The following KCNQ1 variants were observed in gnomAD, a reference collection of about 807,000 sequenced individuals.
The protein encoded by KCNQ1 is potassium voltage-gated channel subfamily KQT member 1.
In KCNQ1, 49 loss-of-function variants were observed where a neutral mutation model predicts 72.4. That is an observed-to-expected ratio of 0.68 (90% CI 0.54 to 0.86). The LOEUF (loss-of-function observed/expected upper bound fraction) is 0.86, where lower values mean the gene tolerates loss of function less well. Among genes scored for constraint, KCNQ1 ranks in the 40% least tolerant of loss-of-function variants. KCNQ1 has a pLI of 0.00. For synonymous variants in KCNQ1, 450 were observed against 412.6 expected (o/e 1.09, Z -1.10); for missense variants, 790 against 945.1 (o/e 0.84, Z 2.15).
In KCNQ1 at chr11:2,473,929, A is replaced by G. The variant is rs1846530284; in HGVS notation, c.386+28445A>G. 6.6e-6 allele frequency among the ~76,000 whole-genome samples: 1 copy of G among 152,194 alleles called. No homozygotes were observed. Among genetic ancestry groups the G allele is most frequent in the Non-Finnish European group, 1.5e-5 (1 of 68,020 alleles). ...CCGGAACGGACATCCTCCTTCACCA[A>G]ATCCGCAAAATAGGCCTGATGCCAG... On this transcript the variant is annotated intron_variant, in intron 1 of 15. Coordinates refer to ENST00000155840, the MANE Select transcript of KCNQ1 (RefSeq NM_000218.3). This position sits in a 1 kb window ranked among gnomAD's most constrained non-coding sequence, Gnocchi z 6.0.
At chr11:2,540,284 G>C (rs1847803440) in intron 2 of KCNQ1, among the ~76,000 whole-genome samples, 1 of 152,234 alleles carries the variant, frequency 6.6e-6, no homozygotes, top group African/African-American at 2.4e-5. Flanking sequence ...GGCTTCCCAG[G>C]TCACACAGAG....
chr11:2,730,209 G>A (rs1414857599), intron 11 of KCNQ1, among the ~76,000 whole-genome samples: 1 of 152,218 alleles, frequency 6.6e-6, no homozygotes, highest in East Asian at 1.9e-4. Context: ...GGCGGAGGAT[G>A]GCAGCTGGAC....
chr11:2,679,213 G>A lies in KCNQ1; in HGVS notation c.1514+17132G>A. On this transcript the variant is annotated intron_variant, in intron 11 of 15. Coordinates refer to ENST00000155840, the MANE Select transcript of KCNQ1 (RefSeq NM_000218.3). The surrounding 1 kb of genome is among the most constrained non-coding windows in gnomAD (Gnocchi z 4.8). ...CCTGTAACAATGCAGCCCCATCCAT[G>A]TGAAGCTGGTCCAGAGGACTACAGC... 1 of 398,642 alleles carries A rather than the reference G, an allele frequency of 2.5e-6. No individual in the cohort carries two copies. Among genetic ancestry groups the A allele is most frequent in the East Asian group, 3.6e-5 (1 of 28,070 alleles). 24.7% of individuals were successfully genotyped at this position (398,642 alleles called of 1,614,324 possible).
chr11:2,641,423 C>T (rs1849575364), intron 10 of KCNQ1: 1 of 397,878 alleles, frequency 2.5e-6, no homozygotes, highest in Non-Finnish European at 4.4e-6. Flanking sequence ...CTGTTGGCTA[C>T]TTGTATGTTT....
rs556863162 is a variant in KCNQ1, at chr11:2,781,588, C to A, written c.1794+3551C>A. Among the ~76,000 whole-genome samples the A allele has an allele frequency of 6.6e-6, 1 of 152,214 alleles. No individual in the cohort carries two copies. The highest frequency in any genetic ancestry group is 1.5e-5 in the Non-Finnish European group (1 of 68,016). Reference sequence around the variant, plus strand: ...TGGCAGTCTGTGTGGGGGCTGCATACCCCAGACATTCTGAGGAATCGATGG... The same window carrying A: ...TGGCAGTCTGTGTGGGGGCTGCATAACCCAGACATTCTGAGGAATCGATGG... On this transcript the variant is annotated intron_variant, in intron 15 of 15. Transcript: ENST00000155840. This position sits in a 1 kb window ranked among gnomAD's most constrained non-coding sequence, Gnocchi z 6.6.
intron 15 of KCNQ1, among the ~76,000 whole-genome samples, chr11:2,834,533 C>T (rs963565548): frequency 2.0e-5 from 3 of 152,116 alleles, no homozygotes; most frequent in Admixed American, 1.3e-4. Context: ...GCCCCAGCTC[C>T]CCCAACACAG....
chr11:2,733,862 C>CTACTTCAGGG (rs1318130357), intron 11 of KCNQ1, among the ~76,000 whole-genome samples: 1 of 48,294 alleles, frequency 2.1e-5, no homozygotes, highest in Non-Finnish European at 4.0e-5. Flanking sequence ...TCTCTCCCCC[C>CTACTTCAGGG]CCACTTCAGG....
At chr11:2,838,945 G>C (rs954734438) in intron 15 of KCNQ1, among the ~76,000 whole-genome samples, 1 of 152,152 alleles carries the variant, frequency 6.6e-6, no homozygotes, top group Non-Finnish European at 1.5e-5. Flanking sequence ...CAGCCTGCCC[G>C]ACGTTCCTGC....
chr11:2,553,170 T>TTTG (rs1367298348), intron 2 of KCNQ1, among the ~76,000 whole-genome samples: 12 of 142,234 alleles, frequency 8.4e-5, no homozygotes, highest in African/African-American at 2.7e-4. Flanking sequence ...TTGTTTTTTT[T>TTTG]TTTTTTGTTT....
At chr11:2,776,089 C>A (rs745929873) in intron 13 of KCNQ1, 35 bp downstream of exon 13, 2 of 1,513,888 alleles carry the variant, frequency 1.3e-6, no homozygotes, top group Non-Finnish European at 1.8e-6. Flanking sequence ...GGAGGGTGCC[C>A]AGGTCCTGCC....
chr11:2,630,161 A>G (rs1849329824), intron 10 of KCNQ1: 1 of 398,228 alleles, frequency 2.5e-6, no homozygotes, highest in Non-Finnish European at 4.4e-6. Flanking sequence ...CATTATTTGC[A>G]CTTATCAAAA....
Position 2,491,160 on chromosome 11 carries a change from C to A in KCNQ1, c.387-36768C>A, listed in dbSNP as rs1846831159. On this transcript the variant is annotated intron_variant, in intron 1 of 15. Transcript: ENST00000155840. This position sits in a 1 kb window ranked among gnomAD's most constrained non-coding sequence, Gnocchi z 4.1. ...GATGGGTACAAACAAGCCCAGACTG[C>A]AAAGGCTACAATAAATACCTAACTC... Among the ~76,000 whole-genome samples, 2 of 152,286 alleles carry A rather than the reference C, an allele frequency of 1.3e-5. No homozygotes were observed. Among genetic ancestry groups the A allele is most frequent in the South Asian group, 4.1e-4 (2 of 4,824 alleles).
chr11:2,792,125 C>G (rs551895318), intron 15 of KCNQ1, among the ~76,000 whole-genome samples: 1 of 152,188 alleles, frequency 6.6e-6, no homozygotes, highest in Non-Finnish European at 1.5e-5. Flanking sequence ...CGGGTCCCTC[C>G]GCCACCCCTG....
chr11:2,560,477 TCC>T, intron 2 of KCNQ1, among the ~76,000 whole-genome samples: 1 of 79,764 alleles, frequency 1.3e-5, no homozygotes, highest in Non-Finnish European at 2.3e-5. Flanking sequence ...GTGACGTCCA[TCC>T]TGGGGGCGGG....
intron 1 of KCNQ1, 147 bp downstream of exon 1, chr11:2,445,631 C>A: frequency 1.0e-6 from 1 of 957,996 alleles, no homozygotes; most frequent in Non-Finnish European, 1.6e-6. Context: ...GAAACACAAA[C>A]TCTGCACTCT....
intron 15 of KCNQ1, among the ~76,000 whole-genome samples, chr11:2,837,311 G>A (rs1044432387): frequency 1.3e-5 from 2 of 151,292 alleles, no homozygotes; most frequent in African/African-American, 4.9e-5. Flanking sequence ...CCAGGGAGCT[G>A]GGGACGAGGG....
At position 2,471,982 on chromosome 11, in the gene KCNQ1, CTATGTG is replaced by C. The variant is rs962942457; in HGVS notation, c.386+26502_386+26507del. Among the ~76,000 whole-genome samples, 3 of 145,218 alleles carry C rather than the reference CTATGTG, an allele frequency of 2.1e-5. No homozygotes were observed. The highest frequency in any genetic ancestry group is 7.7e-5 in the African/African-American group (3 of 38,776). On this transcript the variant is annotated intron_variant, in intron 1 of 15. Transcript: ENST00000155840. This position sits in a 1 kb window ranked among gnomAD's most constrained non-coding sequence, Gnocchi z 4.8. Reference sequence around the variant, plus strand: ...TTCATATATATGGGTGTGTGTGCACCTATGTGTATAAGTGTGTGTGCACATGTGTAT... The same window carrying C: ...TTCATATATATGGGTGTGTGTGCACCTATAAGTGTGTGTGCACATGTGTAT...
At chr11:2,728,159 C>T (rs1845797534) in intron 11 of KCNQ1, among the ~76,000 whole-genome samples, 1 of 152,134 alleles carries the variant, frequency 6.6e-6, no homozygotes, top group Non-Finnish European at 1.5e-5. Flanking sequence ...TGGTTCTGTC[C>T]TCCCCTCACA....
Position 2,713,368 on chromosome 11 carries a change from T to C in KCNQ1, c.1514+51287T>C, listed in dbSNP as rs1851038742. 6.6e-6 allele frequency among the ~76,000 whole-genome samples: 1 copy of C among 152,150 alleles called. No individual in the cohort carries two copies. The highest frequency in any genetic ancestry group is 1.5e-5 in the Non-Finnish European group (1 of 68,018). ...TCTCCAGTCATCTTTTCCGCTGTGG[T>C]TTTTATTGTTTTATTTTATTATTCC... is the stretch of plus-strand genomic sequence containing the variant. On this transcript the variant is annotated intron_variant, in intron 11 of 15. Coordinates refer to ENST00000155840, the MANE Select transcript of KCNQ1 (RefSeq NM_000218.3). The surrounding 1 kb of genome is among the most constrained non-coding windows in gnomAD (Gnocchi z 5.6).
Sources: gnomAD v4.1 joint callset for allele counts (sites outside exome capture counted in the v4.1 genomes callset) on GRCh38, gnomAD v4.1.1 for gene constraint, Gnocchi (gnomAD v3.1) non-coding constraint, MANE v1.5 for transcripts, NCBI Gene and HGNC (gene_info 2026-07-23, HGNC 2026-07-21) for gene names.